VWA8: variants seen among roughly 807,000 people sequenced by gnomAD.
VWA8 encodes von Willebrand factor A domain-containing protein 8.
A neutral mutation model predicts 241.5 loss-of-function variants in VWA8; 221 were observed. The ratio of observed to expected loss-of-function variants is 0.91; its 90% CI spans 0.82 to 1.02. The LOEUF is 1.02. VWA8 is among the 50% of genes least tolerant of loss of function. The probability of loss-of-function intolerance (pLI) is 0.00; values close to 1 mark genes in which losing one functional copy is unlikely to be tolerated. For missense variants in VWA8, 2,322 were observed against 2,328.7 expected, an observed-to-expected ratio of 1.00 and a Z score of 0.06; for synonymous variants, 852 against 827.1, an observed-to-expected ratio of 1.03 and a Z score of -0.52.
At chr13:41,608,314 G>T (rs1380281189) in intron 39 of VWA8, among the ~76,000 whole-genome samples, 1 of 152,108 alleles carries the variant, frequency 6.6e-6, no homozygotes, top group Non-Finnish European at 1.5e-5. Flanking sequence ...GATGATGACT[G>T]AAGCAAGGGA....
intron 12 of VWA8, among the ~76,000 whole-genome samples, chr13:41,858,378 G>C (rs550670758): frequency 6.6e-6 from 1 of 152,274 alleles, no homozygotes; most frequent in South Asian, 2.1e-4. Flanking sequence ...GGCCAAGGTG[G>C]GGGGATCACC....
Position 41,727,279 on chromosome 13 carries a change from TACA to T in VWA8, c.2670_2672del (p.Val892del), listed in dbSNP as rs2045444415. On this transcript the variant is annotated inframe_deletion, in exon 24 of 45. Coordinates refer to ENST00000379310, the MANE Select transcript of VWA8 (RefSeq NM_015058.2). ...TCATCCTAAAATCAGGATGAATCAC[TACA>T]ACATTTTCTCTTCCATTCACATTAG... The T allele has an allele frequency of 6.4e-7, 1 of 1,559,388 alleles. No individual in the cohort carries two copies. The highest frequency in any genetic ancestry group is 8.7e-7 in the Non-Finnish European group (1 of 1,151,430).
chr13:41,691,283 C>T (rs750315266), intron 32 of VWA8, 37 bp downstream of exon 32: 6 of 1,596,460 alleles, frequency 3.8e-6, no homozygotes, highest in East Asian at 2.3e-5. Flanking sequence ...GATTGAGCTA[C>T]AACATACTCC....
chr13:41,621,134 C>A (rs1372410634), intron 37 of VWA8, among the ~76,000 whole-genome samples: 1 of 152,164 alleles, frequency 6.6e-6, no homozygotes, highest in Non-Finnish European at 1.5e-5. Context: ...AGAAATCATA[C>A]TTCAATTACC....
intron 17 of VWA8, among the ~76,000 whole-genome samples, chr13:41,811,017 C>T (rs1245886947): frequency 2.6e-5 from 4 of 152,038 alleles, no homozygotes; most frequent in Non-Finnish European, 5.9e-5. Flanking sequence ...CCAACATCTG[C>T]TTCTGGTGAT....
At chr13:41,869,699 A>G (rs1447077750) in intron 9 of VWA8, among the ~76,000 whole-genome samples, 2 of 151,314 alleles carry the variant, frequency 1.3e-5, no homozygotes, top group Non-Finnish European at 2.9e-5. Context: ...CCAATTATCA[A>G]CGTTCTAACA....
chr13:41,762,124 C>T (rs1275626596), intron 20 of VWA8, among the ~76,000 whole-genome samples: 3 of 152,018 alleles, frequency 2.0e-5, no homozygotes, highest in Non-Finnish European at 4.4e-5. Flanking sequence ...AACAGAAATG[C>T]TCATTGGAGC....
At chr13:41,766,615 C>T (rs1391828709) in intron 20 of VWA8, among the ~76,000 whole-genome samples, 1 of 152,184 alleles carries the variant, frequency 6.6e-6, no homozygotes, top group South Asian at 2.1e-4. Context: ...ATAGCTCATC[C>T]TTGCCCATCT....
chr13:41,958,622 C>A (rs947426328), intron 1 of VWA8, among the ~76,000 whole-genome samples: 4 of 152,184 alleles, frequency 2.6e-5, no homozygotes, highest in African/African-American at 9.7e-5. Flanking sequence ...TCTTGATAGC[C>A]TTACTCTCAG....
intron 17 of VWA8, among the ~76,000 whole-genome samples, chr13:41,808,563 G>C (rs1300368207): frequency 6.6e-6 from 1 of 152,052 alleles, no homozygotes; most frequent in East Asian, 1.9e-4. Context: ...CCATGATCCA[G>C]TCATCTCCCA....
intron 40 of VWA8, among the ~76,000 whole-genome samples, chr13:41,600,347 T>C (rs1241023164): frequency 1.3e-5 from 2 of 152,142 alleles, no homozygotes; most frequent in Admixed American, 1.3e-4. Flanking sequence ...CTGGATGAAG[T>C]TGTCCTCTCT....
chr13:41,787,325 T>C, intron 18 of VWA8, 112 bp downstream of exon 18: 2 of 859,946 alleles, frequency 2.3e-6, no homozygotes, highest in Admixed American at 2.8e-5. Flanking sequence ...ACAAAGTAGA[T>C]GAAAACCAAA....
chr13:41,639,530 T>G (rs2044781480), intron 37 of VWA8, among the ~76,000 whole-genome samples: 1 of 152,192 alleles, frequency 6.6e-6, no homozygotes, highest in African/African-American at 2.4e-5. Context: ...CCTTAAAGGC[T>G]AAAGGCCACA....
At chr13:41,866,098 A>G in intron 10 of VWA8, 62 bp from the exon 11 acceptor site, 1 of 1,585,092 alleles carries the variant, frequency 6.3e-7, no homozygotes, top group Non-Finnish European at 8.6e-7. Flanking sequence ...CTATAATCCC[A>G]ACACTTTGGG....
chr13:41,612,432 A>G (rs907258233), intron 38 of VWA8, among the ~76,000 whole-genome samples: 5 of 152,242 alleles, frequency 3.3e-5, no homozygotes, highest in African/African-American at 1.2e-4. Flanking sequence ...TTACATATAC[A>G]TATTACGTTT....
At chr13:41,585,081 A>AT (rs1188096180) in intron 42 of VWA8, among the ~76,000 whole-genome samples, 5 of 143,516 alleles carry the variant, frequency 3.5e-5, no homozygotes, top group Admixed American at 1.5e-4. Context: ...GTAACTGTCA[A>AT]TAAAAAAAAA....
intron 2 of VWA8, among the ~76,000 whole-genome samples, chr13:41,916,487 G>T (rs944907172): frequency 6.6e-6 from 1 of 152,162 alleles, no homozygotes; most frequent in East Asian, 1.9e-4. Flanking sequence ...GGTATCAATG[G>T]TATGTTTTAT....
chr13:41,912,071 C>T lies in VWA8; in HGVS notation c.339G>A (p.Gly113=). 1 of 1,607,404 alleles carries T rather than the reference C, an allele frequency of 6.2e-7. No homozygotes were observed. The highest frequency in any genetic ancestry group is 8.5e-7 in the Non-Finnish European group (1 of 1,175,976). ...GCATAGCAATAGAGCGTCGAAGAGG[C>T]CCAGGAGGTCCTATTAGAAAAACAT... is the stretch of plus-strand genomic sequence containing the variant. ...GQDVFLIGPP[G]PLRRSIAMQY... Residue 113 remains glycine, a synonymous_variant, in exon 3 of 45, where the codon GGG becomes GGA. Transcript: ENST00000379310.
intron 21 of VWA8, among the ~76,000 whole-genome samples, chr13:41,750,685 A>C (rs1319861017): frequency 6.6e-6 from 1 of 152,194 alleles, no homozygotes; most frequent in Non-Finnish European, 1.5e-5. Context: ...CTGAAGATGC[A>C]GGTGAATTGC....
Sources: gnomAD v4.1 joint callset for allele counts (sites outside exome capture counted in the v4.1 genomes callset) on GRCh38, gnomAD v4.1.1 for gene constraint, MANE v1.5 for transcripts, NCBI Gene and HGNC (gene_info 2026-07-23, HGNC 2026-07-21) for gene names.